Variants in YAP1 observed in about 807,000 individuals in gnomAD.
YAP1 encodes transcriptional coactivator YAP1.
YAP1 carries 5 observed loss-of-function variants against 56.9 expected under a neutral mutation model. That is an observed-to-expected ratio of 0.09 (90% confidence interval 0.05 to 0.18). The LOEUF (loss-of-function observed/expected upper bound fraction) is 0.18, where lower values mean the gene tolerates loss of function less well. YAP1 is among the 10% of genes least tolerant of loss of function. The probability of loss-of-function intolerance (pLI) is 1.00; values close to 1 mark genes in which losing one functional copy is unlikely to be tolerated. For synonymous variants in YAP1, 265 were observed against 248.1 expected (o/e 1.07, Z -0.64); for missense variants, 539 against 651.8 (o/e 0.83, Z 1.88).
intron 3 of YAP1, among the ~76,000 whole-genome samples, chr11:102,169,464 A>G (rs1355126795): frequency 1.3e-5 from 2 of 152,196 alleles, no homozygotes; most frequent in African/African-American, 2.4e-5. Context: ...TAAGATGGAA[A>G]TTGTCAGTCT....
intron 2 of YAP1, among the ~76,000 whole-genome samples, chr11:102,137,731 G>A (rs971718262): frequency 1.4e-5 from 2 of 147,232 alleles, no homozygotes; most frequent in East Asian, 2.0e-4. Flanking sequence ...AATATTTCAC[G>A]TTATTAGAGT....
intron 2 of YAP1, among the ~76,000 whole-genome samples, chr11:102,137,602 C>T (rs547210583): frequency 2.0e-4 from 31 of 152,296 alleles, no homozygotes; most frequent in African/African-American, 7.5e-4. Context: ...AAAGACTTTG[C>T]TGCCTCTCCC....
At chr11:102,212,372 C>T (rs904531539) in intron 6 of YAP1, among the ~76,000 whole-genome samples, 1 of 152,106 alleles carries the variant, frequency 6.6e-6, no homozygotes, top group Non-Finnish European at 1.5e-5. Context: ...CTCGTGTACA[C>T]TAACGTCAGT....
intron 2 of YAP1, among the ~76,000 whole-genome samples, chr11:102,115,818 A>G (rs1225818759): frequency 6.6e-6 from 1 of 152,200 alleles, no homozygotes; most frequent in Non-Finnish European, 1.5e-5. Flanking sequence ...AAGGGAGTGG[A>G]AACAAACCAG....
At chr11:102,189,010 C>T (rs1238418188) in intron 4 of YAP1, among the ~76,000 whole-genome samples, 2 of 151,958 alleles carry the variant, frequency 1.3e-5, no homozygotes, top group Non-Finnish European at 2.9e-5. Context: ...GAAGTGACAT[C>T]AGATGGCAAT....
chr11:102,158,324 G>A (rs1047739147), intron 2 of YAP1, among the ~76,000 whole-genome samples: 7 of 152,198 alleles, frequency 4.6e-5, no homozygotes, highest in Non-Finnish European at 7.4e-5. Flanking sequence ...TAACTCCTCA[G>A]ATTAGTGGTT....
Position 102,230,194 on chromosome 11 carries a change from T to C in YAP1, c.*254T>C. ...TTATTTCTTTTGCTATTAAAACTAC[T>C]GTTCATTTTGGGGGCTGGGGGAAGT... On this transcript the variant is annotated 3_prime_UTR_variant, in exon 9 of 9. Transcript: ENST00000282441. 1 of 328,962 alleles carries C rather than the reference T, an allele frequency of 3.0e-6. No homozygotes were observed. The highest frequency in any genetic ancestry group is 5.6e-6 in the Non-Finnish European group (1 of 178,360). The allele number at this position is 328,962 out of a possible 1,614,324, so 20.4% of individuals were successfully genotyped here. A position where few individuals can be genotyped will look rare whatever the true frequency, so the allele number is the denominator to read the frequency against.
At chr11:102,160,307 G>C (rs1946193684) in intron 2 of YAP1, among the ~76,000 whole-genome samples, 1 of 152,214 alleles carries the variant, frequency 6.6e-6, no homozygotes, top group South Asian at 2.1e-4. Flanking sequence ...ACAGGCGTGA[G>C]CCACTGCGCC....
chr11:102,223,380 A>C (rs923397007), intron 6 of YAP1, among the ~76,000 whole-genome samples: 1 of 152,136 alleles, frequency 6.6e-6, no homozygotes, highest in Admixed American at 6.5e-5. Context: ...ACAAAGTAGC[A>C]AAATGTATAT....
chr11:102,144,863 CACACACACACACACAT>C (rs763865692), intron 2 of YAP1, among the ~76,000 whole-genome samples: 28 of 99,970 alleles, frequency 2.8e-4, no homozygotes, highest in Admixed American at 4.7e-4. Context: ...AAAACACACA[CACACACACACACACAT>C]ACACACACTC....
intron 8 of YAP1, among the ~76,000 whole-genome samples, chr11:102,228,292 G>T (rs554417442): frequency 1.3e-5 from 2 of 152,148 alleles, no homozygotes; most frequent in African/African-American, 4.8e-5. Context: ...TGGGGCTCAG[G>T]AAACCAGGTG....
chr11:102,127,225 AG>A (rs1565433891), intron 2 of YAP1, among the ~76,000 whole-genome samples: 2 of 152,140 alleles, frequency 1.3e-5, no homozygotes, highest in Admixed American at 1.3e-4. Context: ...CCCAAGACCA[AG>A]GGGAAGATGT....
intron 3 of YAP1, among the ~76,000 whole-genome samples, chr11:102,175,341 A>G (rs1415953545): frequency 6.6e-6 from 1 of 152,162 alleles, no homozygotes; most frequent in African/African-American, 2.4e-5. Context: ...TGGAGGCTGC[A>G]GTGAGCCAAG....
At chr11:102,143,163 A>T (rs1215166237) in intron 2 of YAP1, among the ~76,000 whole-genome samples, 2 of 152,150 alleles carry the variant, frequency 1.3e-5, no homozygotes, top group Admixed American at 6.5e-5. Context: ...TTGCCCTTCA[A>T]CAAGTTTTGG....
chr11:102,138,677 A>G (rs972881558), intron 2 of YAP1, among the ~76,000 whole-genome samples: 6 of 152,196 alleles, frequency 3.9e-5, no homozygotes, highest in African/African-American at 1.4e-4. Context: ...AGTTCAATTA[A>G]GTTGAGAAAA....
chr11:102,135,538 C>T (rs535943793), intron 2 of YAP1, among the ~76,000 whole-genome samples: 4 of 152,248 alleles, frequency 2.6e-5, no homozygotes, highest in East Asian at 3.9e-4. Context: ...TCTAGCATTG[C>T]GGTCTGAAGG....
In YAP1 at chr11:102,114,219, C is replaced by G; in HGVS notation, c.397C>G (p.Gln133Glu). The change falls in exon 2 of 9, where the codon CAG (glutamine) becomes GAG (glutamate). Residue 133 changes from glutamine (Q) to glutamate (E), a missense_variant. Gln to Glu is a conservative substitution (Grantham distance 29). Transcript: ENST00000282441. ...AGCTCATTCCTCTCCAGCTTCTCTG[C>G]AGTTGGGAGCTGTTTCTCCTGGGAC... is the stretch of plus-strand genomic sequence containing the variant. ...VRAHSSPASL[Q>E]LGAVSPGTLT... 1 of 1,614,052 alleles carries G rather than the reference C, an allele frequency of 6.2e-7. No homozygotes were observed. Among genetic ancestry groups the G allele is most frequent in the South Asian group, 1.1e-5 (1 of 91,088 alleles).
At chr11:102,111,599 G>A (rs1375471162) in intron 1 of YAP1, among the ~76,000 whole-genome samples, 1 of 151,864 alleles carries the variant, frequency 6.6e-6, no homozygotes, top group Admixed American at 6.6e-5. Flanking sequence ...CCGCCGGGCC[G>A]GGCTGGGAAA....
At chr11:102,225,183 A>T (rs1372112507) in intron 7 of YAP1, among the ~76,000 whole-genome samples, 1 of 80,244 alleles carries the variant, frequency 1.2e-5, no homozygotes, top group Non-Finnish European at 2.9e-5. Flanking sequence ...TTTTTTCTTT[A>T]AAAAAAAAAA....
Sources: allele counts gnomAD v4.1 joint callset (sites outside exome capture counted in the v4.1 genomes callset), GRCh38; gene constraint gnomAD v4.1.1; transcripts MANE v1.5; gene names NCBI Gene and HGNC (gene_info 2026-07-23, HGNC 2026-07-21).